Variants in IK observed in about 807,000 individuals in gnomAD.
The protein encoded by IK is IK cytokine, also known as protein Red.
In IK, 47 loss-of-function variants were observed where a neutral mutation model predicts 90.9. That is an observed-to-expected ratio of 0.52 (90% CI 0.41 to 0.66). The LOEUF is 0.66. IK is among the 30% of genes least tolerant of loss of function. IK has a pLI of 0.00. For synonymous variants in IK, 201 were observed against 227.5 expected, an observed-to-expected ratio of 0.88 and a Z score of 1.05; for missense variants, 385 against 709.3, an observed-to-expected ratio of 0.54 and a Z score of 5.19.
chr5:140,658,661 A>C, intron 10 of IK, 76 bp from the exon 11 acceptor site: 3 of 1,197,312 alleles, frequency 2.5e-6, no homozygotes, highest in Non-Finnish European at 3.7e-6. Flanking sequence ...AAGGGCATTA[A>C]GAGCTGGAGA....
intron 12 of IK, 27 bp downstream of exon 12, chr5:140,659,191 T>C: frequency 6.3e-7 from 1 of 1,595,168 alleles, no homozygotes. Flanking sequence ...TAGTACCAGG[T>C]GATGGAGTTG....
chr5:140,649,189 T>C (rs2569160), intron 2 of IK, among the ~76,000 whole-genome samples: 53,901 of 141,198 alleles, frequency 0.38, 10,961 homozygotes, highest in East Asian at 0.45. Flanking sequence ...TTTCTTTTTT[T>C]TTTTCTTTTC....
In IK at chr5:140,662,480, A is replaced by G. The variant is rs540233554; in HGVS notation, c.*151A>G. ...TTCCATTAAAATTGGTTAACTTGCT[A>G]TTTTCTTTGTTGAGCATGTCCCCTC... On this transcript the variant is annotated 3_prime_UTR_variant, in exon 20 of 20. Coordinates refer to ENST00000417647, the MANE Select transcript of IK (RefSeq NM_006083.4). 9.9e-6 allele frequency: 8 copies of G among 807,586 alleles called. No homozygotes were observed. The South Asian group carries it at 1.1e-4, about 11-fold the overall frequency. 50.0% of individuals were successfully genotyped at this position (807,586 alleles called of 1,614,324 possible). A position where few individuals can be genotyped will look rare whatever the true frequency, so the allele number is the denominator to read the frequency against.
At chr5:140,657,782 T>G (rs1412276165) in intron 10 of IK, 120 bp downstream of exon 10, 1 of 652,596 alleles carries the variant, frequency 1.5e-6, no homozygotes, top group Non-Finnish European at 2.7e-6. Flanking sequence ...CAGAGAAAAA[T>G]GGGAGTACTG....
intron 2 of IK, among the ~76,000 whole-genome samples, chr5:140,650,052 A>G (rs1002192323): frequency 1.3e-5 from 2 of 152,086 alleles, no homozygotes; most frequent in Non-Finnish European, 2.9e-5. Context: ...AGGTTCCCCA[A>G]AGAGTCCCAT....
In IK at chr5:140,662,353, T is replaced by G. The variant is rs375306273; in HGVS notation, c.*24T>G. 18 of 1,611,934 alleles carry G rather than the reference T, an allele frequency of 1.1e-5. No homozygotes were observed. The Admixed American group carries it at 2.0e-4, about 18-fold the overall frequency. On this transcript the variant is annotated 3_prime_UTR_variant, in exon 20 of 20. Coordinates refer to ENST00000417647, the MANE Select transcript of IK (RefSeq NM_006083.4). ...AATCACTAGTTACAACCAGAGATGC[T>G]CCACAAGGATATGCTCCCCACTGTT...
intron 14 of IK, 56 bp downstream of exon 14, chr5:140,659,890 AC>A (rs747918078): frequency 5.4e-5 from 68 of 1,265,254 alleles, no homozygotes; most frequent in Non-Finnish European, 6.8e-5. Context: ...CTTTACTCCA[AC>A]CCCCCCTGCC....
At chr5:140,648,740 A>G in intron 2 of IK, 1 of 508,674 alleles carries the variant, frequency 2.0e-6, no homozygotes, top group Admixed American at 3.6e-5. Flanking sequence ...AAAGGTGTTA[A>G]GTTTTTTTTT....
chr5:140,656,566 A>G (rs745883976), intron 9 of IK, among the ~76,000 whole-genome samples: 12 of 152,074 alleles, frequency 7.9e-5, no homozygotes, highest in Non-Finnish European at 1.8e-4. Flanking sequence ...TTGTTATTAT[A>G]TCTTGTTATT....
chr5:140,653,452 A>T (rs1306774334), intron 5 of IK, among the ~76,000 whole-genome samples: 3 of 150,086 alleles, frequency 2.0e-5, no homozygotes, highest in Non-Finnish European at 3.0e-5. Flanking sequence ...ACGCCCGGCT[A>T]ATTTTTTGTA....
chr5:140,654,400 A>G (rs1757670967), intron 6 of IK, 116 bp from the exon 7 acceptor site: 1 of 835,784 alleles, frequency 1.2e-6, no homozygotes, highest in East Asian at 2.7e-5. Context: ...CATTAGAGTA[A>G]GAACAATATC....
chr5:140,656,115 C>A, intron 9 of IK, 123 bp downstream of exon 9: 3 of 823,124 alleles, frequency 3.6e-6, no homozygotes, highest in Non-Finnish European at 5.6e-6. Flanking sequence ...CCTCCTAAAT[C>A]TCAACTGAAT....
In IK at chr5:140,656,658, A is replaced by G. The variant is rs113286474; in HGVS notation, c.801+666A>G. Among the ~76,000 whole-genome samples, 1,375 of 152,302 alleles carry G rather than the reference A, an allele frequency of 9.0e-3. 18 individuals carry two copies. The highest frequency in any genetic ancestry group is 0.015 in the Non-Finnish European group (1,002 of 68,030). Reference sequence around the variant, plus strand: ...TTTTGTGGATATATAGTAGGTATATATATTTATGAGGTACATGAGATGTTT... The same window carrying G: ...TTTTGTGGATATATAGTAGGTATATGTATTTATGAGGTACATGAGATGTTT... On this transcript the variant is annotated intron_variant, in intron 9 of 19. Transcript: ENST00000417647.
intron 1 of IK, chr5:140,648,165 G>T (rs745611765): frequency 5.7e-6 from 4 of 706,990 alleles, no homozygotes; most frequent in Non-Finnish European, 1.0e-5. Context: ...CGGCTTTTGT[G>T]CGTGGATCGC....
chr5:140,662,234 T>G lies in IK; in HGVS notation c.1646+21T>G, dbSNP rs1459863878. The G allele has an allele frequency of 1.9e-6, 3 of 1,614,010 alleles. No homozygotes were observed. The Admixed American group carries it at 5.0e-5, about 27-fold the overall frequency. Reference sequence around the variant, plus strand: ...GATGGGTGAGCGGCATTATTCTTCCTCTGTGGGACTGGTGGGAATTGCTTA... The same window carrying G: ...GATGGGTGAGCGGCATTATTCTTCCGCTGTGGGACTGGTGGGAATTGCTTA... On this transcript the variant is annotated intron_variant, in intron 19 of 19. Transcript: ENST00000417647.
intron 6 of IK, 22 bp downstream of exon 6, chr5:140,654,074 G>C (rs1355410807): frequency 7.2e-7 from 1 of 1,381,110 alleles, no homozygotes; most frequent in Non-Finnish European, 1.0e-6. Flanking sequence ...TGGTCAGGTG[G>C]GGAGTAATAC....
chr5:140,661,023 C>G lies in IK; in HGVS notation c.1413+208C>G. 2.1e-6 allele frequency: 1 copy of G among 476,462 alleles called. No homozygotes were observed. The highest frequency in any genetic ancestry group is 3.7e-6 in the Non-Finnish European group (1 of 269,908). 29.5% of individuals were successfully genotyped at this position (476,462 alleles called of 1,614,324 possible). A position where few individuals can be genotyped will look rare whatever the true frequency, so the allele number is the denominator to read the frequency against. ...GATCAAATGACATAGGGTCAAAAAT[C>G]TATTTTTTACTTCCTATAGCAAAGT... On this transcript the variant is annotated intron_variant, in intron 16 of 19. Coordinates refer to ENST00000417647, the MANE Select transcript of IK (RefSeq NM_006083.4). The surrounding 1 kb of genome is among the most constrained non-coding windows in gnomAD (Gnocchi z 4.2).
At chr5:140,649,189 TTTTTC>T (rs1284572270) in intron 2 of IK, among the ~76,000 whole-genome samples, 24 of 141,362 alleles carry the variant, frequency 1.7e-4, no homozygotes, top group African/African-American at 2.2e-4. Flanking sequence ...TTTCTTTTTT[TTTTTC>T]TTTTCTTTTC....
chr5:140,659,091 G>A lies in IK; in HGVS notation c.1103G>A (p.Arg368Gln), dbSNP rs745401397. The change falls in exon 12 of 20, where the codon CGA (arginine) becomes CAA (glutamine). Residue 368 changes from arginine (R) to glutamine (Q), a missense_variant. Arg to Gln is a conservative substitution (Grantham distance 43). Transcript: ENST00000417647. Reference sequence around the variant, plus strand: ...CGAGAACGAGATCGGGAACGAGAGCGAGAGCGGGACCGAGAGAGAGAAGAG... The same window carrying A: ...CGAGAACGAGATCGGGAACGAGAGCAAGAGCGGGACCGAGAGAGAGAAGAG... ...RERERDRERE[R>Q]ERDREREEEK... 16 of 1,613,024 alleles carry A rather than the reference G, an allele frequency of 9.9e-6. No individual in the cohort carries two copies. In the Admixed American group the frequency reaches 1.0e-4, roughly 10 times the overall value.
Sources: gnomAD v4.1 joint callset for allele counts (sites outside exome capture counted in the v4.1 genomes callset) on GRCh38, gnomAD v4.1.1 for gene constraint, Gnocchi (gnomAD v3.1) non-coding constraint, MANE v1.5 for transcripts, NCBI Gene and HGNC (gene_info 2026-07-23, HGNC 2026-07-21) for gene names.